Variants in TOX observed in about 807,000 individuals in gnomAD.
TOX encodes thymocyte selection associated high mobility group box.
A neutral mutation model predicts 53.7 loss-of-function variants in TOX; 11 were observed. That is an observed-to-expected ratio of 0.20 (90% CI 0.13 to 0.34). TOX has a LOEUF of 0.34. TOX is among the 10% of genes least tolerant of loss of function. The pLI is 1.00. For synonymous variants in TOX, 225 were observed against 245.3 expected (o/e 0.92, Z 0.77); for missense variants, 570 against 664.6 (o/e 0.86, Z 1.56).
intron 1 of TOX, among the ~76,000 whole-genome samples, chr8:58,996,891 G>A (rs403090): frequency 0.94 from 143,460 of 152,262 alleles, 67,628 homozygotes; most frequent in East Asian, 1. Context: ...TTATGCAATG[G>A]TTGCCAAGAC....
At chr8:58,867,704 G>T (rs1423610201) in intron 3 of TOX, among the ~76,000 whole-genome samples, 1 of 152,128 alleles carries the variant, frequency 6.6e-6, no homozygotes, top group Non-Finnish European at 1.5e-5. Flanking sequence ...TTCCAAGGTG[G>T]TGTCAATGTG....
chr8:58,851,240 C>T lies in TOX; in HGVS notation c.693+284G>A, dbSNP rs964981352. Among the ~76,000 whole-genome samples, 1 of 150,604 alleles carries T rather than the reference C, an allele frequency of 6.6e-6. No individual in the cohort carries two copies. Among genetic ancestry groups the T allele is most frequent in the Non-Finnish European group, 1.5e-5 (1 of 67,724 alleles). On this transcript the variant is annotated intron_variant, in intron 4 of 8. Transcript: ENST00000361421. This position sits in a 1 kb window ranked among gnomAD's most constrained non-coding sequence, Gnocchi z 4.4. ...CCTTCATTGTACCCCAGTATACTGC[C>T]TTCTTAAAATGGTACATTGAATATA...
At chr8:58,833,154 TA>T (rs1214186127) in intron 5 of TOX, among the ~76,000 whole-genome samples, 1 of 152,242 alleles carries the variant, frequency 6.6e-6, no homozygotes, top group Non-Finnish European at 1.5e-5. Flanking sequence ...GCTGCAGCTT[TA>T]AAGCCATTTA....
intron 1 of TOX, among the ~76,000 whole-genome samples, chr8:59,020,227 T>C (rs1347016655): frequency 6.6e-6 from 1 of 152,222 alleles, no homozygotes; most frequent in Non-Finnish European, 1.5e-5. Flanking sequence ...GACAGAGTTC[T>C]TGTTTTTAAT....
At chr8:59,110,108 C>G (rs1276226513) in intron 1 of TOX, among the ~76,000 whole-genome samples, 3 of 152,064 alleles carry the variant, frequency 2.0e-5, no homozygotes, top group Admixed American at 2.0e-4. Context: ...ATCCCATTAG[C>G]CTTAGTAACT....
chr8:59,013,186 G>T (rs909807606), intron 1 of TOX, among the ~76,000 whole-genome samples: 1 of 152,090 alleles, frequency 6.6e-6, no homozygotes, highest in African/African-American at 2.4e-5. Flanking sequence ...TTGTTTATCT[G>T]CATATTACAT....
intron 2 of TOX, among the ~76,000 whole-genome samples, chr8:58,956,542 TTGTG>T (rs1016959855): frequency 6.6e-6 from 1 of 152,122 alleles, no homozygotes; most frequent in Non-Finnish European, 1.5e-5. Context: ...GTTACCTATT[TTGTG>T]TGTGTGTGGC....
chr8:59,101,122 A>G (rs1804800735), intron 1 of TOX, among the ~76,000 whole-genome samples: 1 of 152,194 alleles, frequency 6.6e-6, no homozygotes, highest in Admixed American at 6.5e-5. Flanking sequence ...TAAATGCACA[A>G]GTGAATGCAG....
intron 4 of TOX, among the ~76,000 whole-genome samples, chr8:58,848,687 C>A (rs1810760048): frequency 6.6e-6 from 1 of 152,046 alleles, no homozygotes; most frequent in Admixed American, 6.6e-5. Flanking sequence ...TTCTTTGATG[C>A]TTTACTGTGT....
chr8:58,909,619 G>A (rs1585894722), intron 3 of TOX, among the ~76,000 whole-genome samples: 1 of 150,876 alleles, frequency 6.6e-6, no homozygotes, highest in Non-Finnish European at 1.5e-5. Flanking sequence ...AAAATTTAAT[G>A]TTTGAGAAGC....
At chr8:59,021,679 A>G (rs1814138956) in intron 1 of TOX, among the ~76,000 whole-genome samples, 1 of 151,864 alleles carries the variant, frequency 6.6e-6, no homozygotes, top group African/African-American at 2.4e-5. Context: ...ATAGTTCTCT[A>G]AAACAAGGTG....
chr8:59,048,501 A>G (rs1803729381), intron 1 of TOX, among the ~76,000 whole-genome samples: 1 of 152,204 alleles, frequency 6.6e-6, no homozygotes, highest in Non-Finnish European at 1.5e-5. Context: ...TAAATAACAG[A>G]GCAAAATTTC....
At chr8:58,987,513 C>T (rs373429555) in intron 1 of TOX, among the ~76,000 whole-genome samples, 6 of 152,022 alleles carry the variant, frequency 3.9e-5, no homozygotes, top group South Asian at 2.1e-4. Flanking sequence ...CATTATAAAC[C>T]GATGAAGAGT....
chr8:58,978,306 G>C (rs1046565938), intron 1 of TOX, among the ~76,000 whole-genome samples: 1 of 152,196 alleles, frequency 6.6e-6, no homozygotes, highest in East Asian at 1.9e-4. Context: ...GGAATTAGAA[G>C]ACAATGTCAG....
chr8:59,043,943 A>C (rs777779909), intron 1 of TOX, among the ~76,000 whole-genome samples: 1 of 152,200 alleles, frequency 6.6e-6, no homozygotes, highest in Non-Finnish European at 1.5e-5. Flanking sequence ...TTTGAATGGC[A>C]CTGAACCCCA....
At chr8:58,813,644 G>A (rs1810122251) in intron 7 of TOX, among the ~76,000 whole-genome samples, 1 of 152,306 alleles carries the variant, frequency 6.6e-6, no homozygotes, top group Non-Finnish European at 1.5e-5. Context: ...ACAAGGCAGG[G>A]TGGTGGGAAG....
chr8:58,941,482 C>A (rs1203103877), intron 2 of TOX, among the ~76,000 whole-genome samples: 1 of 152,140 alleles, frequency 6.6e-6, no homozygotes, highest in Admixed American at 6.5e-5. Flanking sequence ...TAAAAGATGG[C>A]ATTTTTATTG....
intron 3 of TOX, among the ~76,000 whole-genome samples, chr8:58,877,914 A>T (rs2129170606): frequency 6.6e-6 from 1 of 152,186 alleles, no homozygotes; most frequent in East Asian, 1.9e-4. Flanking sequence ...ACTCTTAATC[A>T]TTTGTTCTGA....
At chr8:59,039,179 A>T (rs1803526092) in intron 1 of TOX, among the ~76,000 whole-genome samples, 1 of 152,260 alleles carries the variant, frequency 6.6e-6, no homozygotes, top group Non-Finnish European at 1.5e-5. Context: ...ATCATTCATT[A>T]GTGGACTTAT....
Sources: gnomAD v4.1 joint callset for allele counts (sites outside exome capture counted in the v4.1 genomes callset) on GRCh38, gnomAD v4.1.1 for gene constraint, Gnocchi (gnomAD v3.1) non-coding constraint, MANE v1.5 for transcripts, NCBI Gene and HGNC (gene_info 2026-07-23, HGNC 2026-07-21) for gene names.